The following GLYATL3 variants were observed in gnomAD, a reference collection of about 807,000 sequenced individuals.
GLYATL3 encodes the protein glycine N-acyltransferase-like protein 3.
A neutral mutation model predicts 28.5 loss-of-function variants in GLYATL3; 31 were observed. The observed-to-expected ratio is 1.09, with a 90% confidence interval of 0.82 to 1.47. The LOEUF (loss-of-function observed/expected upper bound fraction) is 1.47, where lower values mean the gene tolerates loss of function less well. Ranked by LOEUF, GLYATL3 falls within the 40% of genes most tolerant of loss-of-function variation. The pLI is 0.00. For synonymous variants in GLYATL3, 141 were observed against 140.2 expected, an observed-to-expected ratio of 1.01 and a Z score of -0.04; for missense variants, 369 against 351.5, an observed-to-expected ratio of 1.05 and a Z score of -0.40.
At chr6:49,506,191 G>A (rs1273966610) in intron 1 of GLYATL3, among the ~76,000 whole-genome samples, 1 of 152,194 alleles carries the variant, frequency 6.6e-6, no homozygotes, top group Non-Finnish European at 1.5e-5. Context: ...GTACAGAAAA[G>A]GAGTGGCTTG....
At chr6:49,518,044 T>C (rs1005450942) in intron 4 of GLYATL3, among the ~76,000 whole-genome samples, 1 of 152,108 alleles carries the variant, frequency 6.6e-6, no homozygotes, top group Non-Finnish European at 1.5e-5. Context: ...TTTTTCTGAG[T>C]CAAGGTCTTG....
chr6:49,508,595 G>A (rs186159163), intron 1 of GLYATL3, among the ~76,000 whole-genome samples: 7 of 152,184 alleles, frequency 4.6e-5, no homozygotes, highest in Admixed American at 2.6e-4. Flanking sequence ...CACAACGGTC[G>A]CATTCCTTTC....
At chr6:49,516,464 C>A (rs1177249034) in intron 3 of GLYATL3, among the ~76,000 whole-genome samples, 1 of 152,056 alleles carries the variant, frequency 6.6e-6, no homozygotes, top group Non-Finnish European at 1.5e-5. Flanking sequence ...AGAGTGAAGA[C>A]AACATCTGCC....
chr6:49,517,135 T>C lies in GLYATL3; in HGVS notation c.187-295T>C, dbSNP rs569631623. On this transcript the variant is annotated intron_variant, in intron 3 of 5. Transcript: ENST00000371197. Reference sequence around the variant, plus strand: ...AAGTGATTCTCCTGCACTCCAGCCTTGCAACAGAGTGAGACTCTGTCTAAA... The same window carrying C: ...AAGTGATTCTCCTGCACTCCAGCCTCGCAACAGAGTGAGACTCTGTCTAAA... Among the ~76,000 whole-genome samples, 16 of 140,890 alleles carry C rather than the reference T, an allele frequency of 1.1e-4. No individual in the cohort carries two copies. In the East Asian group the frequency reaches 3.6e-3, roughly 32 times the overall value. The allele number at this position is 140,890 out of a possible 152,430, so 92.4% of individuals were successfully genotyped here.
At chr6:49,509,946 T>TTCTC (rs756414862) in intron 1 of GLYATL3, among the ~76,000 whole-genome samples, 1 of 62,676 alleles carries the variant, frequency 1.6e-5, no homozygotes, top group African/African-American at 4.8e-5. Context: ...CGTATTTTCT[T>TTCTC]TCTCTTTCTT....
chr6:49,524,168 A>T (rs1311448624), intron 5 of GLYATL3, among the ~76,000 whole-genome samples: 2 of 152,222 alleles, frequency 1.3e-5, no homozygotes, highest in Non-Finnish European at 2.9e-5. Flanking sequence ...CTTAGCAATG[A>T]TTTTATTTGC....
intron 1 of GLYATL3, among the ~76,000 whole-genome samples, chr6:49,504,583 A>C (rs1041044567): frequency 1.1e-4 from 17 of 152,294 alleles, no homozygotes; most frequent in African/African-American, 4.1e-4. Flanking sequence ...TGCAAAGTTT[A>C]ATTGTATGTG....
At chr6:49,519,419 G>A (rs945037695) in intron 4 of GLYATL3, among the ~76,000 whole-genome samples, 7 of 152,068 alleles carry the variant, frequency 4.6e-5, no homozygotes, top group Non-Finnish European at 1.0e-4. Flanking sequence ...CATTACCTTC[G>A]GCTTCTCCTG....
chr6:49,508,661 C>A (rs1294686857), intron 1 of GLYATL3, among the ~76,000 whole-genome samples: 2 of 152,210 alleles, frequency 1.3e-5, no homozygotes, highest in African/African-American at 2.4e-5. Context: ...CGTGAAACCT[C>A]CCTGAATGCA....
At chr6:49,523,977 C>T (rs7757014) in intron 5 of GLYATL3, among the ~76,000 whole-genome samples, 80,743 of 151,434 alleles carry the variant, frequency 0.53, 22,372 homozygotes, top group Non-Finnish European at 0.62. Context: ...TTGAACTCTT[C>T]TGCATACAGT....
intron 4 of GLYATL3, among the ~76,000 whole-genome samples, chr6:49,518,384 A>T (rs1203295679): frequency 6.6e-6 from 1 of 152,228 alleles, no homozygotes; most frequent in African/African-American, 2.4e-5. Flanking sequence ...GCGTCAGTGT[A>T]CACTTACTCT....
At chr6:49,516,473 C>T (rs1769216790) in intron 3 of GLYATL3, among the ~76,000 whole-genome samples, 1 of 152,042 alleles carries the variant, frequency 6.6e-6, no homozygotes, top group South Asian at 2.1e-4. Flanking sequence ...ACAACATCTG[C>T]CCCGAGACCA....
At chr6:49,504,773 C>G (rs1286774469) in intron 1 of GLYATL3, among the ~76,000 whole-genome samples, 1 of 152,094 alleles carries the variant, frequency 6.6e-6, no homozygotes, top group African/African-American at 2.4e-5. Flanking sequence ...GGATCATTGT[C>G]TGTTTTGCGC....
intron 2 of GLYATL3, among the ~76,000 whole-genome samples, 153 bp from the exon 3 acceptor site, chr6:49,515,500 G>A (rs561440133): frequency 1.3e-5 from 2 of 152,110 alleles, no homozygotes; most frequent in African/African-American, 2.4e-5. Flanking sequence ...ATTAATATAC[G>A]TGTCTATTAT....
At position 49,525,277 on chromosome 6, in the gene GLYATL3, G is replaced by A. The variant is rs80215665; in HGVS notation, c.441-1211G>A. 4.2e-3 allele frequency among the ~76,000 whole-genome samples: 643 copies of A among 151,458 alleles called. 2 individuals are homozygous for A. Among genetic ancestry groups the A allele is most frequent in the African/African-American group, 0.015 (609 of 41,306 alleles). ...CTTTAGACAGATTAAATTTAGCAAC[G>A]TTGGTCTGGGTGCAGTGGCTCACAC... On this transcript the variant is annotated intron_variant, in intron 5 of 5. Coordinates refer to ENST00000371197, the MANE Select transcript of GLYATL3 (RefSeq NM_001010904.2).
intron 2 of GLYATL3, 116 bp downstream of exon 2, chr6:49,512,184 G>T: frequency 1.5e-5 from 7 of 452,280 alleles, no homozygotes; most frequent in African/African-American, 2.0e-5. Context: ...AGGAGCACTT[G>T]TTAAACATAC....
In GLYATL3 at chr6:49,526,947, T is replaced by G. The variant is rs368712500; in HGVS notation, c.*33T>G. On this transcript the variant is annotated 3_prime_UTR_variant, in exon 6 of 6. Transcript: ENST00000371197. ...AAAAACTGCAGTGGTTTTATTACTT[T>G]CCCTGAGCATACACACACTCTTGGC... is the stretch of plus-strand genomic sequence containing the variant. 4.2e-4 allele frequency: 604 copies of G among 1,421,492 alleles called. 1 individual carries two copies. In the African/African-American group the frequency reaches 7.8e-3, roughly 18 times the overall value. 88.1% of individuals were successfully genotyped at this position (1,421,492 alleles called of 1,614,324 possible).
intron 5 of GLYATL3, 83 bp from the exon 6 acceptor site, chr6:49,526,405 T>G (rs1466543885): frequency 8.4e-7 from 1 of 1,184,660 alleles, no homozygotes; most frequent in Non-Finnish European, 1.2e-6. Context: ...AGAGCAAGAC[T>G]GTGTCTCGAA....
At chr6:49,525,452 C>T (rs998437647) in intron 5 of GLYATL3, among the ~76,000 whole-genome samples, 9 of 150,280 alleles carry the variant, frequency 6.0e-5, no homozygotes, top group African/African-American at 2.2e-4. Flanking sequence ...TAATCCCACA[C>T]GCACGTGAGG....
Sources: allele counts gnomAD v4.1 joint callset (sites outside exome capture counted in the v4.1 genomes callset), GRCh38; gene constraint gnomAD v4.1.1; transcripts MANE v1.5; gene names NCBI Gene and HGNC (gene_info 2026-07-23, HGNC 2026-07-21).